Variants in IQSEC1 observed in about 807,000 individuals in gnomAD.
The protein encoded by IQSEC1 is IQ motif and SEC7 domain-containing protein 1.
IQSEC1 carries 31 observed loss-of-function variants against 91.0 expected under a neutral mutation model. The ratio of observed to expected loss-of-function variants is 0.34; its 90% CI spans 0.26 to 0.46. The LOEUF is 0.46. Among genes scored for constraint, IQSEC1 ranks in the 20% least tolerant of loss-of-function variants. The pLI is 1.00. For synonymous variants in IQSEC1, 699 were observed against 662.6 expected (o/e 1.05, Z -0.84); for missense variants, 1,388 against 1,575.6 (o/e 0.88, Z 2.02).
In IQSEC1 at chr3:12,967,544, G is replaced by A; in HGVS notation, c.24-25679C>T. The stretch of plus-strand genomic sequence containing the variant: ...CGCCAGCGAGCCGCCGGATCCCGGG[G>A]CCGACACCCGGCCACCCGGAGACCC... On this transcript the variant is annotated intron_variant, in intron 1 of 13. Transcript: ENST00000613206. This position sits in a 1 kb window ranked among gnomAD's most constrained non-coding sequence, Gnocchi z 5.9. The A allele has an allele frequency of 7.3e-7, 1 of 1,371,288 alleles. No homozygotes were observed. The highest frequency in any genetic ancestry group is 9.3e-7 in the Non-Finnish European group (1 of 1,071,152). 84.9% of individuals were successfully genotyped at this position (1,371,288 alleles called of 1,614,324 possible). A position where few individuals can be genotyped will look rare whatever the true frequency, so the allele number is the denominator to read the frequency against.
chr3:13,026,065 G>T (rs1053431478), intron 1 of IQSEC1, among the ~76,000 whole-genome samples: 3 of 152,252 alleles, frequency 2.0e-5, no homozygotes, highest in Non-Finnish European at 4.4e-5. Context: ...CCTGGTTCCT[G>T]ACGGGGTGGC....
chr3:13,051,523 G>T (rs1209562160), intron 1 of IQSEC1, among the ~76,000 whole-genome samples: 1 of 152,198 alleles, frequency 6.6e-6, no homozygotes, highest in Non-Finnish European at 1.5e-5. Flanking sequence ...TCAGGTGCTG[G>T]TTACATGAGT....
chr3:12,916,309 A>G (rs550038992), intron 6 of IQSEC1, among the ~76,000 whole-genome samples: 26 of 152,240 alleles, frequency 1.7e-4, no homozygotes, highest in African/African-American at 6.3e-4. Flanking sequence ...GAGCGGTGGG[A>G]GTGCTGCAGT....
intron 2 of IQSEC1, among the ~76,000 whole-genome samples, chr3:13,135,419 C>T (rs534610978): frequency 1.2e-4 from 19 of 152,212 alleles, no homozygotes; most frequent in East Asian, 3.9e-4. Context: ...TACTGCTACA[C>T]GGGCCAGGGA....
chr3:13,240,382 T>C (rs1695000779), intron 1 of IQSEC1, among the ~76,000 whole-genome samples: 1 of 151,866 alleles, frequency 6.6e-6, no homozygotes. Context: ...AATAAATAAA[T>C]GAATAAATAA....
Position 13,231,954 on chromosome 3 carries a change from C to T in IQSEC1, c.272+50757G>A, listed in dbSNP as rs142900288. Among the ~76,000 whole-genome samples the T allele has an allele frequency of 7.9e-5, 12 of 152,374 alleles. 1 individual carries two copies. In the East Asian group the frequency reaches 1.5e-3, roughly 20 times the overall value. On this transcript the variant is annotated intron_variant, in intron 1 of 15. Coordinates refer to the IQSEC1 transcript ENST00000648114. ...CAGCAGTCACATTCTGGTGCTCCCA[C>T]GCCGAGAGGCGGATGTCACTGCCTC...
At chr3:13,280,495 A>T (rs976558860) in intron 1 of IQSEC1, among the ~76,000 whole-genome samples, 5 of 152,066 alleles carry the variant, frequency 3.3e-5, no homozygotes, top group African/African-American at 1.2e-4. Flanking sequence ...CTGTGAGGGG[A>T]GGAGACTCCA....
intron 1 of IQSEC1, among the ~76,000 whole-genome samples, chr3:13,205,748 A>G (rs1694332447): frequency 7.4e-6 from 1 of 136,048 alleles, no homozygotes. Context: ...CCACCCATCC[A>G]TCTCCCCTCC....
At position 12,901,116 on chromosome 3, in the gene IQSEC1, G is replaced by A. The variant is rs1318507994; in HGVS notation, c.3212C>T (p.Ala1071Val). Residue 1071 changes from alanine (A) to valine (V), a missense_variant, in exon 14 of 14, where the codon GCC becomes GTC. Around this residue, in one of 2 missense-constraint regions of IQSEC1, gnomAD observed 329 missense variants for 257.8 expected, o/e 1.28. Transcript: ENST00000613206. The part of the protein sequence containing the change: ...GPHGGHPAYG[A>V]HAHGHPPLPS... ...CAGCGGCGGGTGGCCGTGGGCATGG[G>A]CCCCGTAGGCTGGGTGGCCCCCATG... is the stretch of plus-strand genomic sequence containing the variant. 6.5e-7 allele frequency: 1 copy of A among 1,541,080 alleles called. No individual in the cohort carries two copies. The highest frequency in any genetic ancestry group is 2.4e-5 in the East Asian group (1 of 40,862).
chr3:13,237,338 T>C (rs546757296), intron 1 of IQSEC1, among the ~76,000 whole-genome samples: 11 of 152,334 alleles, frequency 7.2e-5, no homozygotes, highest in Non-Finnish European at 1.2e-4. Context: ...TCCGAGGCTC[T>C]GGACAGGGCC....
chr3:12,902,669 C>CAAAAAAAAAAAAAAAAAAAAAAA, intron 13 of IQSEC1, 104 bp downstream of exon 13: 1 of 328,164 alleles, frequency 3.0e-6, no homozygotes, highest in Non-Finnish European at 5.2e-6. Flanking sequence ...AAAAAAAAAA[C>CAAAAAAAAAAAAAAAAAAAAAAA]CAAAAAAAAA....
At position 13,255,916 on chromosome 3, in the gene IQSEC1, T is replaced by G. The variant is rs115399317; in HGVS notation, c.272+26795A>C. 4.1e-3 allele frequency among the ~76,000 whole-genome samples: 632 copies of G among 152,318 alleles called. 8 individuals are homozygous for G. The highest frequency in any genetic ancestry group is 0.014 in the African/African-American group (594 of 41,572). On this transcript the variant is annotated intron_variant, in intron 1 of 15. Transcript: ENST00000648114. ...TTCAAACGCAGGCAGCAATGGGTGA[T>G]GTCCAGAGATATTTTTGTTGTCACA...
At position 12,900,957 on chromosome 3, in the gene IQSEC1, G is replaced by A. The variant is rs1287709331; in HGVS notation, c.*26C>T. 2 of 1,541,208 alleles carry A rather than the reference G, an allele frequency of 1.3e-6. No homozygotes were observed. The highest frequency in any genetic ancestry group is 2.0e-5 in the Admixed American group (1 of 51,004). The stretch of plus-strand genomic sequence containing the variant: ...CTGTGTGGTGTGCAGGTGTTTCAGG[G>A]AGCCTGGGACCCCTACCCAGGCTGT... On this transcript the variant is annotated 3_prime_UTR_variant, in exon 14 of 14. Transcript: ENST00000613206.
chr3:13,283,184 TG>T (rs1323165391), exon 1 of IQSEC1, among the ~76,000 whole-genome samples: 1 of 145,576 alleles, frequency 6.9e-6, no homozygotes, highest in Non-Finnish European at 1.5e-5. Context: ...CGCCGCCCGC[TG>T]CCCCGCGGAC....
chr3:12,936,159 T>C lies in IQSEC1; in HGVS notation c.857A>G (p.Tyr286Cys). ...HRKLDEMTAS[Y>C]SDVTLYIDEE... ...ATCGATGTACAGGGTGACATCACTG[T>C]ACGAGGCCGTCATCTCGTCCAGTTT... Residue 286 changes from tyrosine (Y) to cysteine (C), a missense_variant, in exon 3 of 14, where the codon TAC (tyrosine) becomes TGC (cysteine). Physicochemically the swap from Tyr to Cys is radical, Grantham distance 194. Coordinates refer to ENST00000613206, the MANE Select transcript of IQSEC1 (RefSeq NM_001134382.3). 6.2e-7 allele frequency: 1 copy of C among 1,612,696 alleles called. No individual in the cohort carries two copies. Among genetic ancestry groups the C allele is most frequent in the Non-Finnish European group, 8.5e-7 (1 of 1,179,924 alleles).
intron 1 of IQSEC1, among the ~76,000 whole-genome samples, chr3:13,279,088 C>A (rs1278595080): frequency 2.6e-5 from 4 of 152,176 alleles, no homozygotes; most frequent in Non-Finnish European, 4.4e-5. Context: ...CCATCGGCCC[C>A]ACCCCTGCTC....
At chr3:13,217,955 G>A (rs987124676) in intron 1 of IQSEC1, among the ~76,000 whole-genome samples, 1 of 152,094 alleles carries the variant, frequency 6.6e-6, no homozygotes, top group Non-Finnish European at 1.5e-5. Context: ...GAGCTGGAAA[G>A]ACCTGGGATG....
Position 12,922,640 on chromosome 3 carries a change from TCA to T in IQSEC1, c.1731-400_1731-399del, listed in dbSNP as rs1465274358. Among the ~76,000 whole-genome samples the T allele has an allele frequency of 3.9e-5, 6 of 152,164 alleles. No individual in the cohort carries two copies. Among genetic ancestry groups the T allele is most frequent in the African/African-American group, 1.2e-4 (5 of 41,436 alleles). On this transcript the variant is annotated intron_variant, in intron 4 of 13. Coordinates refer to ENST00000613206, the MANE Select transcript of IQSEC1 (RefSeq NM_001134382.3). This position sits in a 1 kb window ranked among gnomAD's most constrained non-coding sequence, Gnocchi z 5.1. ...GGGGTTGGGGAGTTTGCTGCCATTTTCACAGTGAGGAAAGGGGCGCCCAGGGT... is the reference window on the plus strand; with the variant it reads ...GGGGTTGGGGAGTTTGCTGCCATTTTCAGTGAGGAAAGGGGCGCCCAGGGT...
chr3:13,277,362 A>T (rs1695707445), intron 1 of IQSEC1, among the ~76,000 whole-genome samples: 2 of 152,106 alleles, frequency 1.3e-5, no homozygotes, highest in African/African-American at 4.8e-5. Flanking sequence ...GCAAAAACCA[A>T]ACGTCGGAAA....
Sources: allele counts gnomAD v4.1 joint callset (sites outside exome capture counted in the v4.1 genomes callset), GRCh38; gene constraint gnomAD v4.1.1; regional missense constraint gnomAD v4.1.1; non-coding constraint Gnocchi (gnomAD v3.1); transcripts MANE v1.5; gene names NCBI Gene and HGNC (gene_info 2026-07-23, HGNC 2026-07-21).